TRAPPC9: variants seen among roughly 807,000 people sequenced by gnomAD.
TRAPPC9 encodes the protein trafficking protein particle complex subunit 9, also known as IKK2 binding protein.
Under a neutral mutation model 124.0 loss-of-function variants are expected in TRAPPC9, and 83 were observed. The observed-to-expected ratio is 0.67, with a 90% CI of 0.56 to 0.80. TRAPPC9 has a LOEUF of 0.80. Ranked by LOEUF, TRAPPC9 falls within the 30% of genes least tolerant of loss-of-function variation. The pLI is 0.00. For synonymous variants in TRAPPC9, 638 were observed against 617.5 expected (o/e 1.03, Z -0.49); for missense variants, 1,302 against 1,508.3 (o/e 0.86, Z 2.27).
chr8:140,343,351 T>C (rs2067246206), intron 9 of TRAPPC9, among the ~76,000 whole-genome samples: 1 of 152,246 alleles, frequency 6.6e-6, no homozygotes, highest in Admixed American at 6.5e-5. Context: ...TCATTAAAAG[T>C]GTTTCACTAA....
chr8:140,385,755 C>T (rs13265864), intron 7 of TRAPPC9, among the ~76,000 whole-genome samples: 1,710 of 152,292 alleles, frequency 0.011, 7 homozygotes, highest in Non-Finnish European at 0.018. Context: ...GGAGCTGGTA[C>T]CATTCCTTCT....
chr8:140,227,137 G>A (rs571801276), intron 16 of TRAPPC9, among the ~76,000 whole-genome samples: 58 of 152,290 alleles, frequency 3.8e-4, no homozygotes, highest in Non-Finnish European at 7.3e-4. Context: ...GAACAGAGCT[G>A]GAGAGAAGGG....
chr8:140,312,879 C>A (rs2066337797), intron 9 of TRAPPC9, among the ~76,000 whole-genome samples: 1 of 151,956 alleles, frequency 6.6e-6, no homozygotes, highest in African/African-American at 2.4e-5. Context: ...CCCATCTCAG[C>A]CTTCTAAGCA....
At chr8:140,289,002 C>T (rs1239945891) in intron 12 of TRAPPC9, among the ~76,000 whole-genome samples, 2 of 152,078 alleles carry the variant, frequency 1.3e-5, no homozygotes, top group African/African-American at 4.8e-5. Flanking sequence ...CGAGTTCTCA[C>T]GCGGGAAGAA....
intron 21 of TRAPPC9, among the ~76,000 whole-genome samples, chr8:139,771,424 CA>C (rs1820952720): frequency 6.6e-6 from 1 of 152,150 alleles, no homozygotes; most frequent in Non-Finnish European, 1.5e-5. Flanking sequence ...CAGTTGAAGC[CA>C]GGGGTCCATG....
intron 21 of TRAPPC9, among the ~76,000 whole-genome samples, chr8:139,873,576 A>G (rs1829137466): frequency 6.6e-6 from 1 of 152,122 alleles, no homozygotes; most frequent in South Asian, 2.1e-4. Flanking sequence ...GCCTGGACAC[A>G]GTCACTGTTT....
chr8:140,180,542 T>C (rs534804673), intron 17 of TRAPPC9, among the ~76,000 whole-genome samples: 28 of 152,274 alleles, frequency 1.8e-4, no homozygotes, highest in South Asian at 4.1e-4. Context: ...TCTGAGGCAT[T>C]GTTTTTTCTG....
intron 19 of TRAPPC9, among the ~76,000 whole-genome samples, chr8:139,970,397 G>C (rs1422061489): frequency 6.6e-6 from 1 of 152,198 alleles, no homozygotes; most frequent in Non-Finnish European, 1.5e-5. Flanking sequence ...AGAGGCATTT[G>C]AGGACTCAAG....
intron 20 of TRAPPC9, among the ~76,000 whole-genome samples, chr8:139,890,861 T>A (rs1050402437): frequency 1.3e-5 from 2 of 151,482 alleles, no homozygotes; most frequent in Admixed American, 6.6e-5. Context: ...AATAAAAAAA[T>A]TTAAAAATTT....
At chr8:139,977,396 T>C (rs969281297) in intron 19 of TRAPPC9, among the ~76,000 whole-genome samples, 2 of 151,422 alleles carry the variant, frequency 1.3e-5, no homozygotes, top group East Asian at 2.0e-4. Context: ...CCGAGGCGGG[T>C]GGATCACGAG....
intron 17 of TRAPPC9, among the ~76,000 whole-genome samples, chr8:140,120,702 A>AACCG (rs2060969483): frequency 6.6e-6 from 1 of 150,662 alleles, no homozygotes; most frequent in South Asian, 2.1e-4. Context: ...TCCATCCAAC[A>AACCG]TCCATCCAAC....
At chr8:140,219,232 G>A (rs148092407) in intron 17 of TRAPPC9, among the ~76,000 whole-genome samples, 195 of 152,300 alleles carry the variant, frequency 1.3e-3, no homozygotes, top group African/African-American at 4.2e-3. Context: ...CAGCACACTC[G>A]GCGATCATCG....
At chr8:140,428,169 A>C (rs1374775213) in intron 4 of TRAPPC9, among the ~76,000 whole-genome samples, 1 of 152,162 alleles carries the variant, frequency 6.6e-6, no homozygotes, top group Non-Finnish European at 1.5e-5. Context: ...CATGTCCTTT[A>C]GGTAGGGGAT....
chr8:139,821,940 A>G (rs1335393586), intron 21 of TRAPPC9, among the ~76,000 whole-genome samples: 2 of 152,214 alleles, frequency 1.3e-5, no homozygotes, highest in Non-Finnish European at 2.9e-5. Flanking sequence ...GCTGGGCCTA[A>G]ATTGTTCCTT....
At chr8:140,109,826 G>A (rs929924396) in intron 17 of TRAPPC9, among the ~76,000 whole-genome samples, 27 of 152,210 alleles carry the variant, frequency 1.8e-4, no homozygotes, top group African/African-American at 6.3e-4. Context: ...TTTACCCTGG[G>A]CCACGCAGGC....
intron 17 of TRAPPC9, among the ~76,000 whole-genome samples, chr8:140,108,563 T>G (rs889939486): frequency 3.9e-5 from 6 of 152,212 alleles, no homozygotes; most frequent in African/African-American, 1.4e-4. Flanking sequence ...ACGCCTACCC[T>G]CACAGGCCTC....
At chr8:139,818,952 C>A (rs907224157) in intron 21 of TRAPPC9, among the ~76,000 whole-genome samples, 4 of 152,206 alleles carry the variant, frequency 2.6e-5, no homozygotes, top group Admixed American at 6.5e-5. Flanking sequence ...AAGATTGATT[C>A]TCTAGTACAG....
At chr8:139,977,422 C>T (rs575535285) in intron 19 of TRAPPC9, among the ~76,000 whole-genome samples, 57 of 151,906 alleles carry the variant, frequency 3.8e-4, no homozygotes, top group African/African-American at 1.3e-3. Flanking sequence ...ATCGAGACCA[C>T]CCTGGCTAAC....
intron 16 of TRAPPC9, among the ~76,000 whole-genome samples, chr8:140,230,109 A>C (rs574639892): frequency 6.6e-6 from 1 of 152,326 alleles, no homozygotes; most frequent in South Asian, 2.1e-4. Context: ...GCCATCTCAC[A>C]ACAGGCACAA....
Sources: allele counts gnomAD v4.1 joint callset (sites outside exome capture counted in the v4.1 genomes callset), GRCh38; gene constraint gnomAD v4.1.1; transcripts MANE v1.5; gene names NCBI Gene and HGNC (gene_info 2026-07-23, HGNC 2026-07-21).